The following NUFIP2 variants were observed in gnomAD, a reference collection of about 807,000 sequenced individuals.
NUFIP2 encodes the protein nuclear FMR1 interacting protein 2.
In NUFIP2, 6 loss-of-function variants were observed where a neutral mutation model predicts 56.9. The ratio of observed to expected loss-of-function variants is 0.11; its 90% confidence interval spans 0.06 to 0.21. The LOEUF is 0.21. Ranked by LOEUF, NUFIP2 falls within the 10% of genes least tolerant of loss-of-function variation. NUFIP2 has a pLI of 1.00. For synonymous variants in NUFIP2, 321 were observed against 298.2 expected (o/e 1.08, Z -0.79); for missense variants, 828 against 826.8 (o/e 1.00, Z -0.02).
chr17:29,268,132 C>A (rs1029886705), intron 2 of NUFIP2, among the ~76,000 whole-genome samples: 2 of 152,174 alleles, frequency 1.3e-5, no homozygotes, highest in Non-Finnish European at 2.9e-5. Context: ...CTCCTGACCT[C>A]AGGTGATCCG....
chr17:29,283,311 A>G (rs1409636780), intron 2 of NUFIP2, among the ~76,000 whole-genome samples: 1 of 152,214 alleles, frequency 6.6e-6, no homozygotes, highest in East Asian at 1.9e-4. Flanking sequence ...ACTATTAACC[A>G]GTTACCTAAT....
At chr17:29,281,746 C>A (rs1469608975) in intron 2 of NUFIP2, among the ~76,000 whole-genome samples, 2 of 148,900 alleles carry the variant, frequency 1.3e-5, no homozygotes, top group Admixed American at 6.7e-5. Flanking sequence ...GAATTAGAAT[C>A]CACACAAATC....
chr17:29,294,147 C>A lies in NUFIP2; in HGVS notation c.-88G>T. Reference sequence around the variant, plus strand: ...GCTTCTCAGGGCTCACTCAGTATATCTGAGCGCGTCTCGCCAGCGCACTGG... The same window carrying A: ...GCTTCTCAGGGCTCACTCAGTATATATGAGCGCGTCTCGCCAGCGCACTGG... On this transcript the variant is annotated 5_prime_UTR_variant, in exon 1 of 4. Transcript: ENST00000225388. The A allele has an allele frequency of 6.8e-7, 1 of 1,469,728 alleles. No homozygotes were observed. The highest frequency in any genetic ancestry group is 9.0e-7 in the Non-Finnish European group (1 of 1,107,126). The allele number at this position is 1,469,728 out of a possible 1,614,324, so 91.0% of individuals were successfully genotyped here.
intron 2 of NUFIP2, among the ~76,000 whole-genome samples, chr17:29,278,483 T>A (rs1013353127): frequency 6.6e-6 from 1 of 152,026 alleles, no homozygotes; most frequent in African/African-American, 2.4e-5. Flanking sequence ...CCTGACCTCG[T>A]GATCTGCCCG....
chr17:29,291,234 T>C (rs1400376795), intron 1 of NUFIP2, among the ~76,000 whole-genome samples: 4 of 152,184 alleles, frequency 2.6e-5, no homozygotes, highest in Admixed American at 6.5e-5. Flanking sequence ...CTGCTTATAC[T>C]AACCCTACTT....
At chr17:29,288,339 C>T (rs372463723) in intron 1 of NUFIP2, among the ~76,000 whole-genome samples, 3 of 152,226 alleles carry the variant, frequency 2.0e-5, no homozygotes, top group Non-Finnish European at 2.9e-5. Flanking sequence ...GCCACACGCC[C>T]GGCCTAAAAT....
chr17:29,275,179 C>A (rs565888270), intron 2 of NUFIP2, among the ~76,000 whole-genome samples: 1 of 152,082 alleles, frequency 6.6e-6, no homozygotes, highest in Non-Finnish European at 1.5e-5. Context: ...TGCCATCATA[C>A]CCGGCTAATT....
In NUFIP2 at chr17:29,292,407, AT is replaced by A. The variant is rs35830192; in HGVS notation, c.277+1375del. 6.0e-3 allele frequency among the ~76,000 whole-genome samples: 835 copies of A among 140,234 alleles called. 3 individuals are homozygous for A. The highest frequency in any genetic ancestry group is 0.011 in the African/African-American group (426 of 38,468). 92.0% of individuals were successfully genotyped at this position (140,234 alleles called of 152,430 possible). On this transcript the variant is annotated intron_variant, in intron 1 of 3. Coordinates refer to ENST00000225388, the MANE Select transcript of NUFIP2 (RefSeq NM_020772.3). ...GAGGGGAATGGAACAAGGTTTTTGGATTTTTTTTTTTTTTTTGTAGAAAATG... is the reference window on the plus strand; with the variant it reads ...GAGGGGAATGGAACAAGGTTTTTGGATTTTTTTTTTTTTTTGTAGAAAATG...
chr17:29,292,320 A>AT (rs1224985731), intron 1 of NUFIP2, among the ~76,000 whole-genome samples: 5 of 151,912 alleles, frequency 3.3e-5, no homozygotes, highest in Admixed American at 6.6e-5. Flanking sequence ...CCATCCTAAC[A>AT]TTTTTTAAAA....
At chr17:29,278,543 G>A (rs778416450) in intron 2 of NUFIP2, among the ~76,000 whole-genome samples, 38 of 151,416 alleles carry the variant, frequency 2.5e-4, no homozygotes, top group Non-Finnish European at 4.7e-4. Context: ...CACCACGCCC[G>A]GCCCCCCATG....
In NUFIP2 at chr17:29,256,542, G is replaced by T. The variant is rs373847299; in HGVS notation, c.*7997C>A. On this transcript the variant is annotated 3_prime_UTR_variant, in exon 4 of 4. Transcript: ENST00000225388. Reference sequence around the variant, plus strand: ...CTTGATGAAGAAGTAACCCTCTTCTGTATATTGAAAAAGCTATAAAATGGA... The same window carrying T: ...CTTGATGAAGAAGTAACCCTCTTCTTTATATTGAAAAAGCTATAAAATGGA... 5 of 152,190 alleles carry T rather than the reference G, an allele frequency of 3.3e-5. No homozygotes were observed. In the East Asian group the frequency reaches 7.7e-4, roughly 23 times the overall value. 9.4% of individuals were successfully genotyped at this position (152,190 alleles called of 1,614,324 possible).
intron 2 of NUFIP2, among the ~76,000 whole-genome samples, chr17:29,281,589 G>A (rs762627414): frequency 1.3e-5 from 2 of 151,668 alleles, no homozygotes; most frequent in African/African-American, 4.8e-5. Context: ...CTACTCAGGA[G>A]GCTGAGGAAG....
At chr17:29,274,537 T>C (rs184476283) in intron 2 of NUFIP2, among the ~76,000 whole-genome samples, 1 of 152,366 alleles carries the variant, frequency 6.6e-6, no homozygotes, top group Admixed American at 6.5e-5. Flanking sequence ...GTACCATCTA[T>C]GACTGCTTTT....
chr17:29,288,136 C>T (rs1281196125), intron 1 of NUFIP2, among the ~76,000 whole-genome samples: 2 of 152,238 alleles, frequency 1.3e-5, no homozygotes, highest in East Asian at 1.9e-4. Flanking sequence ...CTCCACCTCC[C>T]GGGCTCACGC....
rs61077728 is a variant in NUFIP2, at chr17:29,273,497, T to TACACACAC, written c.2003-5975_2003-5968dup. 3.3e-3 allele frequency among the ~76,000 whole-genome samples: 496 copies of TACACACAC among 149,062 alleles called. 3 individuals are homozygous for TACACACAC. The highest frequency in any genetic ancestry group is 0.011 in the African/African-American group (465 of 40,916). Reference sequence around the variant, plus strand: ...TTGATCTTTTAACACTGCTCTCTTCTACACACACACACACACACACACACA... The same window carrying TACACACAC: ...TTGATCTTTTAACACTGCTCTCTTCTACACACACACACACACACACACACACACACACA... On this transcript the variant is annotated intron_variant, in intron 2 of 3. Coordinates refer to ENST00000225388, the MANE Select transcript of NUFIP2 (RefSeq NM_020772.3).
intron 1 of NUFIP2, among the ~76,000 whole-genome samples, chr17:29,292,686 G>A (rs928172968): frequency 6.7e-6 from 1 of 148,774 alleles, no homozygotes; most frequent in Non-Finnish European, 1.5e-5. Context: ...CTTCGAGGCC[G>A]GCTCCCCGCC....
intron 2 of NUFIP2, among the ~76,000 whole-genome samples, chr17:29,272,309 C>G (rs1242459498): frequency 6.7e-6 from 1 of 148,566 alleles, no homozygotes; most frequent in Admixed American, 6.7e-5. Flanking sequence ...GGCGCTATCT[C>G]GGCTCACTGC....
intron 1 of NUFIP2, among the ~76,000 whole-genome samples, chr17:29,290,156 AT>A (rs1321631210): frequency 6.6e-6 from 1 of 151,940 alleles, no homozygotes; most frequent in Non-Finnish European, 1.5e-5. Context: ...AAGTGCTGGG[AT>A]TACAGGTGAG....
At chr17:29,288,168 A>C (rs2069189640) in intron 1 of NUFIP2, among the ~76,000 whole-genome samples, 1 of 152,306 alleles carries the variant, frequency 6.6e-6, no homozygotes, top group Admixed American at 6.5e-5. Flanking sequence ...CTCAGCCTCC[A>C]GAGTAGCTGG....
Sources: allele counts gnomAD v4.1 joint callset (sites outside exome capture counted in the v4.1 genomes callset), GRCh38; gene constraint gnomAD v4.1.1; transcripts MANE v1.5; gene names NCBI Gene and HGNC (gene_info 2026-07-23, HGNC 2026-07-21).